The following RAD51B variants were observed in gnomAD, a reference collection of about 807,000 sequenced individuals.
RAD51B encodes the protein DNA repair protein RAD51 homolog 2.
Under a neutral mutation model 42.2 loss-of-function variants are expected in RAD51B, and 38 were observed. The observed-to-expected ratio is 0.90, with a 90% CI of 0.70 to 1.18. The LOEUF is 1.18. Among genes scored for constraint, RAD51B ranks in the 50% most tolerant of loss-of-function variants. RAD51B has a pLI of 0.00. For synonymous variants in RAD51B, 154 were observed against 145.2 expected (o/e 1.06, Z -0.43); for missense variants, 373 against 400.7 (o/e 0.93, Z 0.59).
chr14:68,450,058 C>T (rs1459142571), intron 9 of RAD51B, among the ~76,000 whole-genome samples: 1 of 152,130 alleles, frequency 6.6e-6, no homozygotes, highest in Admixed American at 6.5e-5. Flanking sequence ...AAAGGAGAGG[C>T]TTTTCCCATT....
rs397719053 is a variant in RAD51B at position 68,399,259 on chromosome 14, G to GTTTT, written c.854-12153_854-12150dup. Among the ~76,000 whole-genome samples, 336 of 136,018 alleles carry GTTTT rather than the reference G, an allele frequency of 2.5e-3. 6 individuals carry two copies. The highest frequency in any genetic ancestry group is 8.5e-3 in the African/African-American group (312 of 36,870). The allele number at this position is 136,018 out of a possible 152,430, so 89.2% of individuals were successfully genotyped here. ...TACCCTTTACCTGATTTTTTTTTGT[G>GTTTT]TTTTTTTTTTTTTTTGAGATGGAGT... On this transcript the variant is annotated intron_variant, in intron 8 of 10. Transcript: ENST00000471583.
chr14:68,619,840 C>T (rs571728050), intron 10 of RAD51B, among the ~76,000 whole-genome samples: 1 of 152,312 alleles, frequency 6.6e-6, no homozygotes, highest in East Asian at 1.9e-4. Context: ...CATAGTGCAC[C>T]TTTTCTGTCT....
intron 7 of RAD51B, among the ~76,000 whole-genome samples, chr14:68,156,321 T>C (rs1595483085): frequency 6.6e-6 from 1 of 152,256 alleles, no homozygotes; most frequent in Non-Finnish European, 1.5e-5. Context: ...GTTTTAAAAT[T>C]CCAAAATATT....
At chr14:67,950,546 T>G (rs1390518307) in intron 7 of RAD51B, among the ~76,000 whole-genome samples, 1 of 152,240 alleles carries the variant, frequency 6.6e-6, no homozygotes, top group African/African-American at 2.4e-5. Flanking sequence ...GGTCTTCTTA[T>G]CAGCAATAAG....
chr14:68,254,938 TG>T (rs1211224724), intron 7 of RAD51B, among the ~76,000 whole-genome samples: 5 of 152,168 alleles, frequency 3.3e-5, no homozygotes, highest in Non-Finnish European at 2.9e-5. Flanking sequence ...TCCTCTCTAG[TG>T]CTTTGATTCT....
chr14:68,294,583 A>G (rs1236743731), intron 8 of RAD51B, among the ~76,000 whole-genome samples: 3 of 152,092 alleles, frequency 2.0e-5, no homozygotes, highest in Non-Finnish European at 4.4e-5. Flanking sequence ...TTTGGGTCTC[A>G]GTTTCTTCTG....
At chr14:68,047,784 T>C (rs1273134502) in intron 7 of RAD51B, among the ~76,000 whole-genome samples, 3 of 152,222 alleles carry the variant, frequency 2.0e-5, no homozygotes, top group African/African-American at 7.2e-5. Context: ...TTAAGTAGGC[T>C]TCACTGTATG....
chr14:67,888,314 A>T (rs151107599), intron 7 of RAD51B, among the ~76,000 whole-genome samples: 2 of 152,350 alleles, frequency 1.3e-5, no homozygotes, highest in Non-Finnish European at 2.9e-5. Context: ...ATCAAGGAGA[A>T]TAAGGGAACT....
At chr14:67,896,122 C>CTATATTGAATAGTGTCATA (rs1212134775) in intron 7 of RAD51B, among the ~76,000 whole-genome samples, 1 of 152,078 alleles carries the variant, frequency 6.6e-6, no homozygotes, top group East Asian at 1.9e-4. Flanking sequence ...CCATAGCTGC[C>CTATATTGAATAGTGTCATA]TATATTGAAT....
At chr14:68,393,999 G>A (rs1340830370) in intron 8 of RAD51B, among the ~76,000 whole-genome samples, 1 of 152,186 alleles carries the variant, frequency 6.6e-6, no homozygotes, top group Non-Finnish European at 1.5e-5. Flanking sequence ...TTTTGAACTT[G>A]TGCAGTCTCT....
intron 7 of RAD51B, among the ~76,000 whole-genome samples, chr14:68,284,760 T>G (rs1005367430): frequency 9.5e-5 from 14 of 147,508 alleles, no homozygotes; most frequent in East Asian, 1.9e-4. Context: ...ATTTTTGTGT[T>G]TTTTTTTTTT....
intron 10 of RAD51B, among the ~76,000 whole-genome samples, chr14:68,560,975 A>G (rs778689621): frequency 6.6e-6 from 1 of 152,208 alleles, no homozygotes; most frequent in Admixed American, 6.5e-5. Flanking sequence ...CAGATTCAGG[A>G]ACGCCTGAAA....
intron 7 of RAD51B, among the ~76,000 whole-genome samples, chr14:67,940,552 T>G (rs1473358179): frequency 6.6e-6 from 1 of 152,178 alleles, no homozygotes; most frequent in Non-Finnish European, 1.5e-5. Flanking sequence ...ATTGCCTGAC[T>G]CTCCTGTTTG....
At chr14:68,211,428 G>A (rs58243484) in intron 7 of RAD51B, among the ~76,000 whole-genome samples, 93 of 152,288 alleles carry the variant, frequency 6.1e-4, no homozygotes, top group African/African-American at 2.1e-3. Context: ...CACTATTGTA[G>A]CACCTCTTTT....
chr14:68,070,844 C>T (rs748763282), intron 7 of RAD51B, among the ~76,000 whole-genome samples: 5 of 151,166 alleles, frequency 3.3e-5, no homozygotes, highest in Admixed American at 2.0e-4. Flanking sequence ...TTGATAGGAA[C>T]AGCATTGAAT....
At chr14:68,547,053 C>T (rs1353691444) in intron 10 of RAD51B, among the ~76,000 whole-genome samples, 1 of 152,136 alleles carries the variant, frequency 6.6e-6, no homozygotes, top group Non-Finnish European at 1.5e-5. Flanking sequence ...TGTGCAACTC[C>T]AACTCAAGCA....
chr14:68,491,291 T>G (rs1427392547), intron 10 of RAD51B, among the ~76,000 whole-genome samples: 1 of 152,204 alleles, frequency 6.6e-6, no homozygotes, highest in Non-Finnish European at 1.5e-5. Flanking sequence ...TGGGATATAC[T>G]AGGTGCAACG....
intron 8 of RAD51B, among the ~76,000 whole-genome samples, chr14:68,331,268 A>G (rs1015313788): frequency 8.6e-5 from 13 of 150,572 alleles, no homozygotes; most frequent in Non-Finnish European, 1.9e-4. Context: ...AGGCTGAGGC[A>G]GGAGAATTGC....
At chr14:68,595,032 C>T (rs1890932659) in exon 11 of RAD51B, 2 of 1,073,604 alleles carry the variant, frequency 1.9e-6, no homozygotes, top group African/African-American at 3.3e-5. Flanking sequence ...TAGATTTTGC[C>T]CCAGTTTCTC....
Sources: allele counts gnomAD v4.1 joint callset (sites outside exome capture counted in the v4.1 genomes callset), GRCh38; gene constraint gnomAD v4.1.1; transcripts MANE v1.5; gene names NCBI Gene and HGNC (gene_info 2026-07-23, HGNC 2026-07-21).